The following MAF variants were observed in gnomAD, a reference collection of about 807,000 sequenced individuals.
MAF encodes the protein MAF bZIP transcription factor.
MAF carries 10 observed loss-of-function variants against 22.0 expected under a neutral mutation model. The ratio of observed to expected loss-of-function variants is 0.45; its 90% CI spans 0.28 to 0.77. The LOEUF (loss-of-function observed/expected upper bound fraction) is 0.77, where lower values mean the gene tolerates loss of function less well. MAF is among the 30% of genes least tolerant of loss of function. MAF has a pLI of 0.12. For missense variants in MAF, 544 were observed against 548.4 expected (o/e 0.99, Z 0.08); for synonymous variants, 337 against 255.8 (o/e 1.32, Z -3.03).
the MAF span, among the ~76,000 whole-genome samples, chr16:79,279,620 G>A: frequency 1.3e-5 from 2 of 152,100 alleles, no homozygotes; most frequent in African/African-American, 4.8e-5. Context: ...CCTGCAAGTG[G>A]CTCAGATCTG....
At chr16:79,411,409 C>T in the MAF span, among the ~76,000 whole-genome samples, 6 of 152,174 alleles carry the variant, frequency 3.9e-5, no homozygotes, top group South Asian at 1.2e-3. Context: ...ATCCCCTGAA[C>T]CTTTTATTTT....
At chr16:79,315,818 C>G in the MAF span, among the ~76,000 whole-genome samples, 1 of 152,242 alleles carries the variant, frequency 6.6e-6, no homozygotes, top group Admixed American at 6.5e-5. Context: ...CCACTACATT[C>G]CTTTTCATTA....
the MAF span, chr16:79,212,515 A>C: frequency 1.1e-5 from 2 of 181,208 alleles, no homozygotes; most frequent in South Asian, 1.3e-4. Context: ...ATACTTAAGA[A>C]TACACAGGAT....
intron 1 of MAF, chr16:79,597,241 T>A: frequency 9.5e-7 from 1 of 1,049,894 alleles, no homozygotes; most frequent in Non-Finnish European, 1.2e-6. Context: ...AATTTATCTA[T>A]AACATTCCTT....
chr16:79,435,462 C>A, the MAF span, among the ~76,000 whole-genome samples: 1 of 152,200 alleles, frequency 6.6e-6, no homozygotes, highest in Admixed American at 6.5e-5. Flanking sequence ...TTCTTTAAAG[C>A]TACTATTCAT....
At chr16:79,386,465 G>T in the MAF span, among the ~76,000 whole-genome samples, 1 of 152,128 alleles carries the variant, frequency 6.6e-6, no homozygotes, top group Non-Finnish European at 1.5e-5. Flanking sequence ...ACGGAGCTCA[G>T]GAGGTCACGT....
chr16:79,257,184 T>A, the MAF span, among the ~76,000 whole-genome samples: 4 of 151,788 alleles, frequency 2.6e-5, no homozygotes, highest in Admixed American at 6.6e-5. Flanking sequence ...TTCAAAAAAA[T>A]AAATAAAAAT....
At chr16:79,431,413 T>C in the MAF span, among the ~76,000 whole-genome samples, 1 of 152,226 alleles carries the variant, frequency 6.6e-6, no homozygotes, top group South Asian at 2.1e-4. Context: ...ACCTCAGTTT[T>C]GTTATCAGTG....
chr16:79,539,936 C>A, the MAF span, among the ~76,000 whole-genome samples: 1 of 151,954 alleles, frequency 6.6e-6, no homozygotes, highest in Admixed American at 6.6e-5. Context: ...TTTCCTATAT[C>A]CTTTACTGTA....
downstream of MAF, among the ~76,000 whole-genome samples, chr16:79,591,769 C>T (rs1913203302): frequency 6.6e-6 from 1 of 152,158 alleles, no homozygotes; most frequent in South Asian, 2.1e-4. Context: ...AATACTGTCA[C>T]GATGTCATAA....
chr16:79,225,345 T>C, the MAF span, among the ~76,000 whole-genome samples: 1 of 152,124 alleles, frequency 6.6e-6, no homozygotes, highest in Non-Finnish European at 1.5e-5. Context: ...TCCTTATGCC[T>C]TATACAAAAA....
the MAF span, among the ~76,000 whole-genome samples, chr16:79,267,239 A>G: frequency 6.6e-6 from 1 of 152,154 alleles, no homozygotes; most frequent in African/African-American, 2.4e-5. Context: ...GCCATCTTGG[A>G]TGTGGTGGGG....
At chr16:79,595,288 C>T in intron 1 of MAF, 2 of 1,049,540 alleles carry the variant, frequency 1.9e-6, no homozygotes. Flanking sequence ...CGAGGTTACA[C>T]ACTGTCTTCG....
the MAF span, among the ~76,000 whole-genome samples, chr16:79,337,979 G>C: frequency 1.3e-5 from 2 of 152,126 alleles, no homozygotes; most frequent in Non-Finnish European, 2.9e-5. Context: ...AGATTGAATG[G>C]GCACCAGCTT....
the MAF span, among the ~76,000 whole-genome samples, chr16:79,266,528 T>C: frequency 6.6e-6 from 1 of 152,122 alleles, no homozygotes; most frequent in Non-Finnish European, 1.5e-5. Flanking sequence ...AACATGGTGG[T>C]GTATGGAACA....
At chr16:79,353,834 T>C in the MAF span, among the ~76,000 whole-genome samples, 1 of 152,172 alleles carries the variant, frequency 6.6e-6, no homozygotes, top group Non-Finnish European at 1.5e-5. Context: ...TTATTTAGTG[T>C]CTTGTGGATG....
At chr16:79,496,190 G>T in the MAF span, among the ~76,000 whole-genome samples, 3 of 152,236 alleles carry the variant, frequency 2.0e-5, no homozygotes, top group Admixed American at 2.0e-4. Context: ...TAACTAGTAC[G>T]TGTCATGTCA....
chr16:79,548,890 C>A, the MAF span, among the ~76,000 whole-genome samples: 1 of 152,164 alleles, frequency 6.6e-6, no homozygotes, highest in Non-Finnish European at 1.5e-5. Flanking sequence ...TAAGCCTCTA[C>A]ACACACTTAC....
At chr16:79,263,301 G>C in the MAF span, among the ~76,000 whole-genome samples, 2 of 152,182 alleles carry the variant, frequency 1.3e-5, no homozygotes, top group Admixed American at 1.3e-4. Flanking sequence ...AATTTTCTAA[G>C]GGAAGTCAAG....
Sources: gnomAD v4.1 joint callset for allele counts (sites outside exome capture counted in the v4.1 genomes callset) on GRCh38, gnomAD v4.1.1 for gene constraint, MANE v1.5 for transcripts, NCBI Gene and HGNC (gene_info 2026-07-23, HGNC 2026-07-21) for gene names.